The following PCNX1 variants were observed in gnomAD, a reference collection of about 807,000 sequenced individuals.
PCNX1 encodes the protein pecanex-like protein 1.
A neutral mutation model predicts 242.2 loss-of-function variants in PCNX1; 78 were observed. The observed-to-expected ratio is 0.32, with a 90% CI of 0.27 to 0.39. The LOEUF (loss-of-function observed/expected upper bound fraction) is 0.39. PCNX1 is among the 10% of genes least tolerant of loss of function. The pLI is 1.00. For missense variants in PCNX1, 2,581 were observed against 2,856.5 expected (o/e 0.90, Z 2.20); for synonymous variants, 1,024 against 1,032.9 (o/e 0.99, Z 0.17).
chr14:71,013,056 T>G lies in PCNX1; in HGVS notation c.2850T>G (p.Ile950Met), dbSNP rs754665372. The G allele has an allele frequency of 1.9e-6, 3 of 1,614,076 alleles. No individual in the cohort carries two copies. The South Asian group carries it at 3.3e-5, about 18-fold the overall frequency. Residue 950 changes from isoleucine to methionine, a missense_variant, in exon 11 of 36, where the codon ATT becomes ATG. This residue lies in a region of PCNX1 where 1,204 missense variants were observed against 1,216.7 expected (regional missense o/e 0.99). Transcript: ENST00000304743. ...CAGATTTGTTGGAGCAACAGGACATTGATCTAAGCCCTGACTTGGCAGCTA... is the reference window on the plus strand; with the variant it reads ...CAGATTTGTTGGAGCAACAGGACATGGATCTAAGCCCTGACTTGGCAGCTA... ...IDTDLLEQQD[I>M]DLSPDLAATY...
At chr14:71,014,821 A>G (rs2059917273) in intron 11 of PCNX1, among the ~76,000 whole-genome samples, 2 of 152,172 alleles carry the variant, frequency 1.3e-5, no homozygotes, top group Non-Finnish European at 2.9e-5. Context: ...AAGAAATAAG[A>G]GTGGAGAACT....
chr14:71,046,142 A>G (rs926424263), intron 20 of PCNX1, among the ~76,000 whole-genome samples: 1 of 152,094 alleles, frequency 6.6e-6, no homozygotes, highest in Non-Finnish European at 1.5e-5. Context: ...GCTTCCTAAT[A>G]AATAAAAATG....
chr14:71,052,295 C>T (rs1455637179), intron 24 of PCNX1, among the ~76,000 whole-genome samples: 1 of 151,834 alleles, frequency 6.6e-6, no homozygotes, highest in Non-Finnish European at 1.5e-5. Context: ...ACTGCAACCT[C>T]CACCTCCTGG....
At chr14:71,071,638 C>T (rs1315284003) in intron 26 of PCNX1, among the ~76,000 whole-genome samples, 1 of 152,132 alleles carries the variant, frequency 6.6e-6, no homozygotes, top group Non-Finnish European at 1.5e-5. Flanking sequence ...TTCCTGAGGC[C>T]TACCCAGCCA....
intron 23 of PCNX1, 30 bp from the exon 24 acceptor site, chr14:71,051,853 T>G (rs2061045812): frequency 6.2e-7 from 1 of 1,606,154 alleles, no homozygotes. Flanking sequence ...CTCAGATGAA[T>G]GTCAGTGTCC....
intron 30 of PCNX1, among the ~76,000 whole-genome samples, chr14:71,090,849 G>A (rs570949840): frequency 1.3e-5 from 2 of 152,312 alleles, no homozygotes; most frequent in East Asian, 1.9e-4. Flanking sequence ...CAGAATTAAA[G>A]CCTCTGATGC....
Position 70,974,354 on chromosome 14 carries a change from C to T in PCNX1, c.605-2588C>T, listed in dbSNP as rs141256969. Among the ~76,000 whole-genome samples, 354 of 150,616 alleles carry T rather than the reference C, an allele frequency of 2.4e-3. 1 individual carries two copies. Among genetic ancestry groups the T allele is most frequent in the African/African-American group, 8.2e-3 (336 of 41,022 alleles). ...TTCACCATGTTGGCCAGGCTGATCTCGAACTCCTGACCTCGTGATCCACCT... is the reference window on the plus strand; with the variant it reads ...TTCACCATGTTGGCCAGGCTGATCTTGAACTCCTGACCTCGTGATCCACCT... On this transcript the variant is annotated intron_variant, in intron 5 of 35. Transcript: ENST00000304743.
In PCNX1 at chr14:71,109,557, A is replaced by C; in HGVS notation, c.6850A>C (p.Lys2284Gln). The C allele has an allele frequency of 6.2e-7, 1 of 1,614,186 alleles. No homozygotes were observed. The highest frequency in any genetic ancestry group is 1.3e-5 in the African/African-American group (1 of 75,052). Residue 2284 changes from lysine to glutamine, a missense_variant, in exon 35 of 36, where the codon AAA becomes CAA. Lys to Gln is a moderately conservative substitution (Grantham distance 53). Transcript: ENST00000304743. ...GTTAAAAGCTGGGAGAAATAGCTGGAAAGACTGGAGTCCGCAGGAGGGCAT... is the reference window on the plus strand; with the variant it reads ...GTTAAAAGCTGGGAGAAATAGCTGGCAAGACTGGAGTCCGCAGGAGGGCAT... ...IRLKAGRNSW[K>Q]DWSPQEGMEG...
At chr14:71,059,208 A>G (rs950911692) in intron 26 of PCNX1, among the ~76,000 whole-genome samples, 1 of 152,136 alleles carries the variant, frequency 6.6e-6, no homozygotes, top group African/African-American at 2.4e-5. Flanking sequence ...AGTTATCCAG[A>G]TTTTTATTCT....
chr14:70,968,966 C>A, intron 4 of PCNX1, 55 bp from the exon 5 acceptor site: 1 of 987,614 alleles, frequency 1.0e-6, no homozygotes, highest in Non-Finnish European at 1.6e-6. Flanking sequence ...GGTTATGCCA[C>A]CCTACAGCCT....
chr14:71,092,589 C>T (rs1337680342), intron 30 of PCNX1: 1 of 152,060 alleles, frequency 6.6e-6, no homozygotes, highest in African/African-American at 2.4e-5. Context: ...CTGAACAGAT[C>T]TTTAATGCAG....
chr14:71,034,169 T>C (rs1437615580), intron 18 of PCNX1, 133 bp downstream of exon 18: 2 of 569,860 alleles, frequency 3.5e-6, no homozygotes, highest in African/African-American at 3.8e-5. Flanking sequence ...GGATTAGTTG[T>C]ACATTGTTGA....
In PCNX1 at chr14:70,935,283, A is replaced by C. The variant is rs149760057; in HGVS notation, c.154-11632A>C. Among the ~76,000 whole-genome samples the C allele has an allele frequency of 2.4e-4, 37 of 152,334 alleles. No homozygotes were observed. In the East Asian group the frequency reaches 6.5e-3, roughly 27 times the overall value. Reference sequence around the variant, plus strand: ...AATTCTGAGCTGGGCACAGTGTCTCATGCCTGTAATCCGAGCACTTTGCAA... The same window carrying C: ...AATTCTGAGCTGGGCACAGTGTCTCCTGCCTGTAATCCGAGCACTTTGCAA... On this transcript the variant is annotated intron_variant, in intron 1 of 35. Transcript: ENST00000304743.
intron 3 of PCNX1, among the ~76,000 whole-genome samples, chr14:70,963,547 G>A (rs2058285577): frequency 6.6e-6 from 1 of 152,118 alleles, no homozygotes; most frequent in Non-Finnish European, 1.5e-5. Context: ...ACAATGTTAT[G>A]AAAAACACTA....
intron 2 of PCNX1, among the ~76,000 whole-genome samples, chr14:70,956,651 A>G (rs891532080): frequency 1.3e-5 from 2 of 152,144 alleles, no homozygotes; most frequent in African/African-American, 2.4e-5. Flanking sequence ...ATCTTAGGCC[A>G]TGCTGGTTAT....
Position 71,102,089 on chromosome 14 carries a change from C to G in PCNX1, c.5689C>G (p.Pro1897Ala). The G allele has an allele frequency of 6.2e-7, 1 of 1,613,830 alleles. No homozygotes were observed. Among genetic ancestry groups the G allele is most frequent in the South Asian group, 1.1e-5 (1 of 91,072 alleles). ...KNLVIAHEGD[P>A]AWRSAVLANS... ...CCTCGTAATAGCCCATGAAGGGGACCCTGCATGGCGGAGTGCAGTACTTGC... is the reference window on the plus strand; with the variant it reads ...CCTCGTAATAGCCCATGAAGGGGACGCTGCATGGCGGAGTGCAGTACTTGC... The change falls in exon 31 of 36, where the codon CCT becomes GCT. Residue 1897 changes from proline to alanine, a missense_variant. Around this residue, in one of 9 missense-constraint regions of PCNX1, gnomAD observed 298 missense variants for 480.1 expected, o/e 0.62. Coordinates refer to ENST00000304743, the MANE Select transcript of PCNX1 (RefSeq NM_014982.3).
chr14:70,982,473 A>G (rs890946445), intron 6 of PCNX1, among the ~76,000 whole-genome samples: 2 of 152,202 alleles, frequency 1.3e-5, no homozygotes, highest in Non-Finnish European at 2.9e-5. Context: ...GTGTTCAAAG[A>G]CATCATAATA....
chr14:71,045,149 T>G lies in PCNX1; in HGVS notation c.3884T>G (p.Val1295Gly). The change falls in exon 20 of 36, where the codon GTG becomes GGG. Residue 1295 changes from valine (V) to glycine (G), a missense_variant. Physicochemically the swap from Val to Gly is moderately radical, Grantham distance 109 (BLOSUM62 -3). Transcript: ENST00000304743. ...FTVLQPALKYVLYTLVGFVGF... is the reference protein window; with the variant it reads ...FTVLQPALKYGLYTLVGFVGF... ...TTTTTTTAGCCTGCCCTCAAGTATG[T>G]GTTGTATACATTGGTTGGCTTTGTG... 1 of 1,606,930 alleles carries G rather than the reference T, an allele frequency of 6.2e-7. No individual in the cohort carries two copies.
intron 7 of PCNX1, among the ~76,000 whole-genome samples, chr14:70,994,427 A>ATATATG (rs930212552): frequency 2.1e-4 from 19 of 88,718 alleles, no homozygotes; most frequent in East Asian, 9.5e-4. Context: ...ATATATATAT[A>ATATATG]TATGTATGTA....
Sources: allele counts gnomAD v4.1 joint callset (sites outside exome capture counted in the v4.1 genomes callset), GRCh38; gene constraint gnomAD v4.1.1; regional missense constraint gnomAD v4.1.1; transcripts MANE v1.5; gene names NCBI Gene and HGNC (gene_info 2026-07-23, HGNC 2026-07-21).